The following JARID2 variants were observed in gnomAD, a reference collection of about 807,000 sequenced individuals.
JARID2 encodes jumonji and AT-rich interaction domain containing 2, also known as protein Jumonji.
JARID2 carries 21 observed loss-of-function variants against 125.6 expected under a neutral mutation model. That is an observed-to-expected ratio of 0.17 (90% CI 0.12 to 0.24). The LOEUF is 0.24. Ranked by LOEUF, JARID2 falls within the 10% of genes least tolerant of loss-of-function variation. The pLI is 1.00. For missense variants in JARID2, 1,303 were observed against 1,639.6 expected (o/e 0.79, Z 3.55); for synonymous variants, 736 against 661.6 (o/e 1.11, Z -1.73).
intron 8 of JARID2, among the ~76,000 whole-genome samples, 181 bp downstream of exon 8, chr6:15,501,590 G>C (rs532624776): frequency 6.6e-6 from 1 of 152,162 alleles, no homozygotes; most frequent in Admixed American, 6.5e-5. Flanking sequence ...AAATACTACA[G>C]ACTGGGGAAT....
At position 15,513,235 on chromosome 6, in the gene JARID2, G is replaced by A; in HGVS notation, c.3267-4G>A. The A allele has an allele frequency of 6.4e-6, 10 of 1,561,070 alleles. No homozygotes were observed. Among genetic ancestry groups the A allele is most frequent in the Non-Finnish European group, 8.7e-6 (10 of 1,150,694 alleles). On this transcript the variant is annotated splice_polypyrimidine_tract_variant and splice_region_variant and intron_variant, in intron 15 of 17. Coordinates refer to ENST00000341776, the MANE Select transcript of JARID2 (RefSeq NM_004973.4). ...AGGTGCGGGCCGTCTCCCGTGTCTG[G>A]CAGGGATACAGAGCTGCGGCAGCGC...
At chr6:15,498,524 C>T (rs567841370) in intron 7 of JARID2, among the ~76,000 whole-genome samples, 4 of 152,172 alleles carry the variant, frequency 2.6e-5, no homozygotes, top group Non-Finnish European at 5.9e-5. Flanking sequence ...GGTAAGGTTG[C>T]AACCCCATCA....
chr6:15,416,227 C>T (rs1766200492), intron 3 of JARID2, among the ~76,000 whole-genome samples: 1 of 151,782 alleles, frequency 6.6e-6, no homozygotes, highest in Admixed American at 6.6e-5. Context: ...CCGAGGGGCT[C>T]CTCATGTCCC....
intron 12 of JARID2, among the ~76,000 whole-genome samples, chr6:15,510,385 G>A (rs1161287096): frequency 2.6e-5 from 4 of 152,182 alleles, no homozygotes; most frequent in Admixed American, 1.3e-4. Flanking sequence ...CACCAGGGGC[G>A]TCACACGTTG....
chr6:15,438,049 A>G (rs1339885909), intron 3 of JARID2, among the ~76,000 whole-genome samples: 2 of 152,186 alleles, frequency 1.3e-5, no homozygotes, highest in Admixed American at 1.3e-4. Flanking sequence ...CTGGGTATGA[A>G]GTTACTATGG....
Position 15,374,224 on chromosome 6 carries a change from C to A in JARID2, c.153C>A (p.Gly51=). The A allele has an allele frequency of 6.2e-7, 1 of 1,614,010 alleles. No homozygotes were observed. Among genetic ancestry groups the A allele is most frequent in the Non-Finnish European group, 8.5e-7 (1 of 1,179,924 alleles). ...CCCAGAAGAGGCAGCATGCGGAAGGCATTGCTGGGAGCCTGAAAACTGTGA... is the reference window on the plus strand; with the variant it reads ...CCCAGAAGAGGCAGCATGCGGAAGGAATTGCTGGGAGCCTGAAAACTGTGA... The part of the protein sequence containing the change: ...KNSQKRQHAE[G]IAGSLKTVNG... The change falls in exon 2 of 18, where the codon GGC becomes GGA. Residue 51 remains glycine (G), a synonymous_variant. Transcript: ENST00000341776.
rs529106594 is a variant in JARID2 at position 15,520,477 on chromosome 6, CT to C, written c.*227del. Reference sequence around the variant, plus strand: ...GATTTTGGAAACTGCCGTATAGTCACTGTTTTAAAAACCCCGGAGGGGCTGT... The same window carrying C: ...GATTTTGGAAACTGCCGTATAGTCACGTTTTAAAAACCCCGGAGGGGCTGT... On this transcript the variant is annotated 3_prime_UTR_variant, in exon 18 of 18. Coordinates refer to ENST00000341776, the MANE Select transcript of JARID2 (RefSeq NM_004973.4). 1.5e-4 allele frequency: 64 copies of C among 430,678 alleles called. No homozygotes were observed. Among genetic ancestry groups the C allele is most frequent in the African/African-American group, 1.2e-3 (61 of 49,024 alleles). The allele number at this position is 430,678 out of a possible 1,614,324, so 26.7% of individuals were successfully genotyped here.
At chr6:15,493,970 A>G (rs1026530114) in intron 6 of JARID2, among the ~76,000 whole-genome samples, 1 of 152,090 alleles carries the variant, frequency 6.6e-6, no homozygotes, top group Non-Finnish European at 1.5e-5. Flanking sequence ...ACCGTCTGTC[A>G]GTCCCACTTT....
At chr6:15,494,172 G>C (rs1054320575) in intron 6 of JARID2, among the ~76,000 whole-genome samples, 1 of 152,182 alleles carries the variant, frequency 6.6e-6, no homozygotes, top group Non-Finnish European at 1.5e-5. Context: ...GAGAAATACA[G>C]GTCTCAGTGG....
At chr6:15,387,241 G>A (rs1336888780) in intron 2 of JARID2, among the ~76,000 whole-genome samples, 20 of 152,312 alleles carry the variant, frequency 1.3e-4, no homozygotes, top group Admixed American at 1.1e-3. Context: ...GACAGTGTGC[G>A]TGTGCCTGTG....
At chr6:15,368,545 T>G (rs1475193595) in intron 1 of JARID2, among the ~76,000 whole-genome samples, 2 of 152,204 alleles carry the variant, frequency 1.3e-5, no homozygotes, top group African/African-American at 4.8e-5. Context: ...AATGTATATT[T>G]AATTCTGGTT....
At chr6:15,291,624 C>T (rs943805975) in intron 1 of JARID2, among the ~76,000 whole-genome samples, 3 of 152,192 alleles carry the variant, frequency 2.0e-5, no homozygotes, top group South Asian at 2.1e-4. Flanking sequence ...GTGTGGGATG[C>T]GCAGCCAGAC....
chr6:15,445,123 A>G (rs960631319), intron 3 of JARID2, among the ~76,000 whole-genome samples: 1 of 152,166 alleles, frequency 6.6e-6, no homozygotes, highest in Non-Finnish European at 1.5e-5. Context: ...TTAACTCTAC[A>G]CTGTTGATGA....
chr6:15,344,696 T>C (rs1009525386), intron 1 of JARID2, among the ~76,000 whole-genome samples: 6 of 152,180 alleles, frequency 3.9e-5, no homozygotes, highest in Non-Finnish European at 1.5e-5. Flanking sequence ...ACCTTCTTTA[T>C]AGATTTCCAC....
chr6:15,364,273 T>C (rs987043012), intron 1 of JARID2, among the ~76,000 whole-genome samples: 1 of 152,196 alleles, frequency 6.6e-6, no homozygotes, highest in African/African-American at 2.4e-5. Flanking sequence ...TAACCAGCCC[T>C]GTCAGTAAGG....
intron 2 of JARID2, among the ~76,000 whole-genome samples, chr6:15,394,174 C>T (rs1161565103): frequency 2.0e-5 from 3 of 151,964 alleles, no homozygotes; most frequent in African/African-American, 7.3e-5. Context: ...TTTGCCTTTC[C>T]CAGAGAATGT....
intron 1 of JARID2, among the ~76,000 whole-genome samples, chr6:15,330,621 A>C (rs925703480): frequency 6.6e-6 from 1 of 152,274 alleles, no homozygotes; most frequent in Non-Finnish European, 1.5e-5. Flanking sequence ...ATATATTAAA[A>C]GCATAGAGTG....
chr6:15,304,179 G>A (rs961904956), intron 1 of JARID2, among the ~76,000 whole-genome samples: 1 of 152,046 alleles, frequency 6.6e-6, no homozygotes, highest in African/African-American at 2.4e-5. Flanking sequence ...AGCTGAGGGC[G>A]CAGGGCTCAG....
At chr6:15,316,097 G>A (rs1462401430) in intron 1 of JARID2, among the ~76,000 whole-genome samples, 1 of 151,936 alleles carries the variant, frequency 6.6e-6, no homozygotes, top group East Asian at 1.9e-4. Flanking sequence ...CTGCTGGCTT[G>A]AAAACATGTG....
Sources: gnomAD v4.1 joint callset for allele counts (sites outside exome capture counted in the v4.1 genomes callset) on GRCh38, gnomAD v4.1.1 for gene constraint, MANE v1.5 for transcripts, NCBI Gene and HGNC (gene_info 2026-07-23, HGNC 2026-07-21) for gene names.